Variants in IQCH observed in about 807,000 individuals in gnomAD.
IQCH encodes the protein IQ domain-containing protein H.
IQCH carries 98 observed loss-of-function variants against 117.0 expected under a neutral mutation model. That is an observed-to-expected ratio of 0.84 (90% CI 0.71 to 0.99). The LOEUF (loss-of-function observed/expected upper bound fraction) is 0.99. IQCH is among the 50% of genes least tolerant of loss of function. IQCH has a pLI of 0.00. For synonymous variants in IQCH, 412 were observed against 448.2 expected (o/e 0.92, Z 1.02); for missense variants, 1,102 against 1,243.8 (o/e 0.89, Z 1.72).
rs914312644 is a variant in IQCH at position 67,427,388 on chromosome 15, C to CT, written c.2505+5819dup. Among the ~76,000 whole-genome samples, 5 of 151,764 alleles carry CT rather than the reference C, an allele frequency of 3.3e-5. No individual in the cohort carries two copies. Among genetic ancestry groups the CT allele is most frequent in the Non-Finnish European group, 4.4e-5 (3 of 67,892 alleles). Reference sequence around the variant, plus strand: ...TCCAGCTGTTTTTCTTTTTTCTTTTCTTTTTTTTGTAGAGATAGGGTCTCA... The same window carrying CT: ...TCCAGCTGTTTTTCTTTTTTCTTTTCTTTTTTTTTGTAGAGATAGGGTCTCA... On this transcript the variant is annotated intron_variant, in intron 16 of 20. Coordinates refer to ENST00000335894, the MANE Select transcript of IQCH (RefSeq NM_001031715.3). This position sits in a 1 kb window ranked among gnomAD's most constrained non-coding sequence, Gnocchi z 4.7.
chr15:67,263,394 A>G (rs903036378), intron 3 of IQCH, among the ~76,000 whole-genome samples, 178 bp downstream of exon 3: 3 of 152,192 alleles, frequency 2.0e-5, no homozygotes, highest in Admixed American at 6.5e-5. Context: ...TACAGTGAAC[A>G]TTGTTCAGGT....
chr15:67,470,078 T>C (rs1475161599), intron 17 of IQCH, among the ~76,000 whole-genome samples: 1 of 152,260 alleles, frequency 6.6e-6, no homozygotes, highest in African/African-American at 2.4e-5. Context: ...ATCCATTGGC[T>C]TCTCGTCTGC....
intron 4 of IQCH, among the ~76,000 whole-genome samples, chr15:67,330,584 A>G (rs1968620814): frequency 6.6e-6 from 1 of 152,178 alleles, no homozygotes; most frequent in East Asian, 1.9e-4. Flanking sequence ...GCAGAGTGGT[A>G]GGACATAGGG....
At position 67,347,541 on chromosome 15, in the gene IQCH, T is replaced by C. The variant is rs185511475; in HGVS notation, c.637+3350T>C. 7.7e-3 allele frequency among the ~76,000 whole-genome samples: 1,165 copies of C among 151,734 alleles called. 8 individuals carry two copies. The highest frequency in any genetic ancestry group is 0.011 in the Non-Finnish European group (716 of 67,882). On this transcript the variant is annotated intron_variant, in intron 6 of 20. Coordinates refer to ENST00000335894, the MANE Select transcript of IQCH (RefSeq NM_001031715.3). ...AAATTGACTTAGTACTTAAAAACAT[T>C]GTAAGAAAAAAAATGATACCATATG...
Position 67,494,379 on chromosome 15 carries a change from TTA to T in IQCH, c.2970+14_2970+15del. The stretch of plus-strand genomic sequence containing the variant: ...GACCAATTTTAAGGTGAGGTGTTAA[TTA>T]ACTAACGATTCTGGTTAATTTCTAT... On this transcript the variant is annotated intron_variant, in intron 20 of 20. Coordinates refer to ENST00000335894, the MANE Select transcript of IQCH (RefSeq NM_001031715.3). This position sits in a 1 kb window ranked among gnomAD's most constrained non-coding sequence, Gnocchi z 5.5. 1 of 1,554,614 alleles carries T rather than the reference TTA, an allele frequency of 6.4e-7. No homozygotes were observed. Among genetic ancestry groups the T allele is most frequent in the Non-Finnish European group, 8.9e-7 (1 of 1,129,422 alleles).
intron 16 of IQCH, among the ~76,000 whole-genome samples, chr15:67,439,175 C>G (rs1195830484): frequency 6.6e-6 from 1 of 152,124 alleles, no homozygotes; most frequent in Non-Finnish European, 1.5e-5. Flanking sequence ...GAGCCTCAAT[C>G]AGTTTAAGAA....
chr15:67,321,473 C>CCTTT (rs71455544), intron 4 of IQCH, among the ~76,000 whole-genome samples: 5 of 149,918 alleles, frequency 3.3e-5, no homozygotes, highest in African/African-American at 1.2e-4. Flanking sequence ...TTCCTTCCTT[C>CCTTT]CTTTCTTTCT....
chr15:67,295,769 C>G (rs1966848768), intron 4 of IQCH, among the ~76,000 whole-genome samples: 2 of 152,160 alleles, frequency 1.3e-5, no homozygotes, highest in South Asian at 2.1e-4. Context: ...TCTGTGCCTT[C>G]TCTCTAATCA....
At chr15:67,314,945 G>C (rs1292196216) in intron 4 of IQCH, among the ~76,000 whole-genome samples, 1 of 152,166 alleles carries the variant, frequency 6.6e-6, no homozygotes, top group Admixed American at 6.5e-5. Context: ...TATGGTTTTA[G>C]GTATGATAAT....
Position 67,494,238 on chromosome 15 carries a change from T to C in IQCH, c.2862-20T>C. 6.4e-7 allele frequency: 1 copy of C among 1,570,516 alleles called. No homozygotes were observed. The highest frequency in any genetic ancestry group is 8.7e-7 in the Non-Finnish European group (1 of 1,154,226). On this transcript the variant is annotated intron_variant, in intron 19 of 20. Transcript: ENST00000335894. This position sits in a 1 kb window ranked among gnomAD's most constrained non-coding sequence, Gnocchi z 5.5. The stretch of plus-strand genomic sequence containing the variant: ...GAAGGGAATCGTTGGTAAACTCATT[T>C]GTTTGGATATCATTAACAGAACAAT...
intron 4 of IQCH, among the ~76,000 whole-genome samples, chr15:67,329,821 T>TACAC (rs35445898): frequency 0.28 from 41,008 of 148,776 alleles, 6,005 homozygotes; most frequent in African/African-American, 0.4. Context: ...GAGTGAATTA[T>TACAC]ACACACACAC....
chr15:67,498,912 A>C (rs1291876930), intron 20 of IQCH, among the ~76,000 whole-genome samples: 3 of 152,236 alleles, frequency 2.0e-5, no homozygotes, highest in Admixed American at 1.3e-4. Flanking sequence ...CACAATATAC[A>C]AAGTACTCTT....
intron 18 of IQCH, among the ~76,000 whole-genome samples, chr15:67,477,984 A>G (rs914969505): frequency 6.6e-6 from 1 of 152,240 alleles, no homozygotes; most frequent in African/African-American, 2.4e-5. Context: ...TTCCAAGAGC[A>G]GATTTTATAG....
At chr15:67,259,285 A>G (rs374395375) in intron 1 of IQCH, among the ~76,000 whole-genome samples, 67 of 152,346 alleles carry the variant, frequency 4.4e-4, no homozygotes, top group African/African-American at 1.5e-3. Flanking sequence ...CAGTTTAGTA[A>G]AGAAGGAAGA....
At position 67,481,370 on chromosome 15, in the gene IQCH, G is replaced by A. The variant is rs887378951; in HGVS notation, c.2799+5552G>A. Among the ~76,000 whole-genome samples, 4 of 152,116 alleles carry A rather than the reference G, an allele frequency of 2.6e-5. No individual in the cohort carries two copies. Among genetic ancestry groups the A allele is most frequent in the Non-Finnish European group, 5.9e-5 (4 of 68,040 alleles). ...CAAAATGGCAGGAGAGAGAAGTGCC[G>A]AGCAAAGGGGGAACATCCCCTTATA... On this transcript the variant is annotated intron_variant, in intron 18 of 20. Transcript: ENST00000335894. The surrounding 1 kb of genome is among the most constrained non-coding windows in gnomAD (Gnocchi z 4.1).
At chr15:67,314,473 T>A (rs1967749902) in intron 4 of IQCH, among the ~76,000 whole-genome samples, 2 of 119,728 alleles carry the variant, frequency 1.7e-5, no homozygotes, top group African/African-American at 6.3e-5. Flanking sequence ...TATCATCTCT[T>A]TGTGCTAAAT....
At position 67,445,956 on chromosome 15, in the gene IQCH, C is replaced by T. The variant is rs2082382032; in HGVS notation, c.2506-19171C>T. On this transcript the variant is annotated intron_variant, in intron 16 of 20. Transcript: ENST00000335894. The surrounding 1 kb of genome is among the most constrained non-coding windows in gnomAD (Gnocchi z 4.3). ...CCACCAAGGAGGACAACTGTGTTCC[C>T]CTGCAGCTTTTCCCCAGAATTGGAG... 6.6e-6 allele frequency among the ~76,000 whole-genome samples: 1 copy of T among 152,164 alleles called. No homozygotes were observed.
intron 4 of IQCH, among the ~76,000 whole-genome samples, chr15:67,308,017 A>C (rs948592490): frequency 1.3e-5 from 2 of 152,150 alleles, no homozygotes; most frequent in African/African-American, 4.8e-5. Context: ...GCATTCCTTG[A>C]CAAAACTCAG....
intron 4 of IQCH, among the ~76,000 whole-genome samples, chr15:67,289,679 C>T (rs8038097): frequency 0.068 from 10,277 of 152,092 alleles, 546 homozygotes; most frequent in East Asian, 0.19. Context: ...TGTACCTACA[C>T]GTAGTATGGA....
Sources: allele counts gnomAD v4.1 joint callset (sites outside exome capture counted in the v4.1 genomes callset), GRCh38; gene constraint gnomAD v4.1.1; non-coding constraint Gnocchi (gnomAD v3.1); transcripts MANE v1.5; gene names NCBI Gene and HGNC (gene_info 2026-07-23, HGNC 2026-07-21).